The following CD2AP variants were observed in gnomAD, a reference collection of about 807,000 sequenced individuals.
CD2AP encodes the protein CD2-associated protein.
A neutral mutation model predicts 85.1 loss-of-function variants in CD2AP; 46 were observed. The observed-to-expected ratio is 0.54, with a 90% CI of 0.43 to 0.69. The LOEUF (loss-of-function observed/expected upper bound fraction) is 0.69, where lower values mean the gene tolerates loss of function less well. Among genes scored for constraint, CD2AP ranks in the 30% least tolerant of loss-of-function variants. CD2AP has a pLI of 0.00. For missense variants in CD2AP, 769 were observed against 729.5 expected (o/e 1.05, Z -0.62); for synonymous variants, 255 against 252.9 (o/e 1.01, Z -0.08).
intron 2 of CD2AP, among the ~76,000 whole-genome samples, chr6:47,517,283 T>C (rs966665673): frequency 2.6e-5 from 4 of 150,988 alleles, no homozygotes; most frequent in African/African-American, 9.8e-5. Flanking sequence ...CAATTAAACT[T>C]CTTTTTTTTT....
At chr6:47,527,139 T>TA (rs1766752287) in intron 2 of CD2AP, among the ~76,000 whole-genome samples, 1 of 152,124 alleles carries the variant, frequency 6.6e-6, no homozygotes, top group Non-Finnish European at 1.5e-5. Flanking sequence ...ATTGTTCTTT[T>TA]AAAAAAAGAA....
At chr6:47,487,836 C>G (rs759393282) in intron 1 of CD2AP, among the ~76,000 whole-genome samples, 1 of 152,088 alleles carries the variant, frequency 6.6e-6, no homozygotes, top group Non-Finnish European at 1.5e-5. Context: ...CTTGTATTGA[C>G]TAGCAGAAAA....
intron 4 of CD2AP, among the ~76,000 whole-genome samples, chr6:47,552,275 G>A (rs1767548469): frequency 6.6e-6 from 1 of 152,102 alleles, no homozygotes; most frequent in Admixed American, 6.6e-5. Flanking sequence ...TACCTAATGT[G>A]TAGTCTTTTA....
At chr6:47,595,768 G>C in intron 11 of CD2AP, 93 bp from the exon 12 acceptor site, 1 of 987,868 alleles carries the variant, frequency 1.0e-6, no homozygotes, top group Admixed American at 1.8e-5. Context: ...GTCTGCCTCT[G>C]TCACACTTTT....
intron 1 of CD2AP, among the ~76,000 whole-genome samples, chr6:47,497,191 T>C (rs1348685556): frequency 6.6e-6 from 1 of 152,144 alleles, no homozygotes; most frequent in Non-Finnish European, 1.5e-5. Context: ...TGATTATATT[T>C]TTCCTTTCCC....
intron 5 of CD2AP, among the ~76,000 whole-genome samples, chr6:47,569,871 C>T (rs549144476): frequency 2.6e-5 from 4 of 152,136 alleles, no homozygotes; most frequent in Admixed American, 1.3e-4. Flanking sequence ...TCCTGGTGAG[C>T]AGCTTTGCAA....
chr6:47,591,811 A>G (rs1008231243), intron 11 of CD2AP, among the ~76,000 whole-genome samples: 18 of 152,028 alleles, frequency 1.2e-4, no homozygotes, highest in Non-Finnish European at 2.9e-5. Flanking sequence ...TATATACCTG[A>G]GATAACTCTT....
intron 17 of CD2AP, among the ~76,000 whole-genome samples, chr6:47,622,802 A>G (rs1769791534): frequency 6.6e-6 from 1 of 152,078 alleles, no homozygotes; most frequent in Non-Finnish European, 1.5e-5. Context: ...ACACAATGCG[A>G]GTCTCCGCAT....
At chr6:47,582,670 A>T (rs999449360) in intron 11 of CD2AP, among the ~76,000 whole-genome samples, 2 of 151,972 alleles carry the variant, frequency 1.3e-5, no homozygotes, top group Non-Finnish European at 2.9e-5. Flanking sequence ...TTGTAGTCTA[A>T]TCCATCCTTG....
intron 1 of CD2AP, among the ~76,000 whole-genome samples, chr6:47,480,022 G>T (rs1163278891): frequency 6.6e-6 from 1 of 152,068 alleles, no homozygotes; most frequent in Non-Finnish European, 1.5e-5. Context: ...TTGGACATTG[G>T]AATACCTATT....
rs149008871 is a variant in CD2AP, at chr6:47,513,372, C to CCTAT, written c.165+9937_165+9940dup. ...ACTGCTTGGGCAGTCTAAGTTATTG[C>CCTAT]CTATCTATGTAGGTTCTAGTTATTA... On this transcript the variant is annotated intron_variant, in intron 2 of 17. Coordinates refer to ENST00000359314, the MANE Select transcript of CD2AP (RefSeq NM_012120.3). 3.6e-3 allele frequency among the ~76,000 whole-genome samples: 546 copies of CCTAT among 152,154 alleles called. 2 individuals are homozygous for CCTAT. The highest frequency in any genetic ancestry group is 0.012 in the African/African-American group (517 of 41,518).
chr6:47,584,450 A>G (rs1349633439), intron 11 of CD2AP, among the ~76,000 whole-genome samples: 3 of 146,076 alleles, frequency 2.1e-5, no homozygotes, highest in Non-Finnish European at 4.5e-5. Flanking sequence ...GTGAATGTCT[A>G]GTTGATCCAA....
At chr6:47,566,807 T>C (rs1768015917) in intron 5 of CD2AP, among the ~76,000 whole-genome samples, 1 of 152,244 alleles carries the variant, frequency 6.6e-6, no homozygotes, top group South Asian at 2.1e-4. Flanking sequence ...TTCCTTTTTA[T>C]GGCTGCATAG....
intron 11 of CD2AP, among the ~76,000 whole-genome samples, chr6:47,591,801 T>G (rs1451240746): frequency 2.0e-5 from 3 of 152,092 alleles, no homozygotes; most frequent in Non-Finnish European, 4.4e-5. Context: ...TTAAAAAAAT[T>G]ATATACCTGA....
intron 16 of CD2AP, among the ~76,000 whole-genome samples, chr6:47,610,636 A>G (rs1322756247): frequency 3.3e-5 from 5 of 151,918 alleles, no homozygotes; most frequent in Admixed American, 2.6e-4. Flanking sequence ...ATCTTGAATG[A>G]CTACTTAAAA....
chr6:47,567,052 A>T (rs1768023254), intron 5 of CD2AP, among the ~76,000 whole-genome samples: 1 of 151,716 alleles, frequency 6.6e-6, no homozygotes, highest in Non-Finnish European at 1.5e-5. Context: ...TGAGTGGTAA[A>T]ATCATTAGAG....
At chr6:47,553,272 A>G (rs557451018) in intron 4 of CD2AP, among the ~76,000 whole-genome samples, 1 of 152,282 alleles carries the variant, frequency 6.6e-6, no homozygotes, top group Admixed American at 6.5e-5. Flanking sequence ...AACAAGAAAT[A>G]AATCTTTTTC....
intron 5 of CD2AP, among the ~76,000 whole-genome samples, chr6:47,562,347 A>T (rs1436997603): frequency 6.6e-6 from 1 of 152,226 alleles, no homozygotes; most frequent in Non-Finnish European, 1.5e-5. Context: ...TACTTTACAT[A>T]GTCATAAAAT....
intron 12 of CD2AP, 114 bp from the exon 13 acceptor site, chr6:47,599,187 A>G (rs2114136141): frequency 2.4e-6 from 2 of 840,868 alleles, no homozygotes; most frequent in Non-Finnish European, 3.9e-6. Flanking sequence ...ATGGTTTTAC[A>G]GAACAGAAAG....
Sources: gnomAD v4.1 joint callset for allele counts (sites outside exome capture counted in the v4.1 genomes callset) on GRCh38, gnomAD v4.1.1 for gene constraint, MANE v1.5 for transcripts, NCBI Gene and HGNC (gene_info 2026-07-23, HGNC 2026-07-21) for gene names.